The following SERPINA9 variants were observed in gnomAD, a reference collection of about 807,000 sequenced individuals.
SERPINA9 encodes serpin family A member 9.
Under a neutral mutation model 24.5 loss-of-function variants are expected in SERPINA9, and 32 were observed. The ratio of observed to expected loss-of-function variants is 1.30; its 90% CI spans 0.98 to 1.75. SERPINA9 has a LOEUF of 1.75. SERPINA9 is among the 40% of genes most tolerant of loss of function. The probability of loss-of-function intolerance (pLI) is 0.00; values close to 1 mark genes in which losing one functional copy is unlikely to be tolerated. For missense variants in SERPINA9, 594 were observed against 497.1 expected (o/e 1.19, Z -1.85); for synonymous variants, 233 against 197.7 (o/e 1.18, Z -1.50).
chr14:94,475,720 C>A (rs1899589461), intron 1 of SERPINA9, among the ~76,000 whole-genome samples: 2 of 152,280 alleles, frequency 1.3e-5, no homozygotes, highest in East Asian at 1.9e-4. Context: ...TGCACTTAAA[C>A]ACTCCCTCTC....
intron 3 of SERPINA9, among the ~76,000 whole-genome samples, chr14:94,465,389 C>T (rs1898953689): frequency 6.6e-6 from 1 of 152,216 alleles, no homozygotes; most frequent in Admixed American, 6.5e-5. Context: ...AATTTTACTA[C>T]ATTTCAGTTA....
intron 1 of SERPINA9, among the ~76,000 whole-genome samples, chr14:94,471,607 G>C (rs1355706746): frequency 1.3e-5 from 2 of 152,024 alleles, no homozygotes; most frequent in Admixed American, 1.3e-4. Flanking sequence ...GTGTAGTTTT[G>C]TATTTGCCTG....
rs144088737 is a variant in SERPINA9 at position 94,465,743 on chromosome 14, G to T, written c.903-889C>A. Among the ~76,000 whole-genome samples the T allele has an allele frequency of 5.0e-3, 767 of 152,276 alleles. 3 individuals carry two copies. The highest frequency in any genetic ancestry group is 0.017 in the African/African-American group (704 of 41,554). ...AGGGTTTCACCGTGTTGCCCAGGCTGGTCTTGAACTCCTGAGCTCAGGCAA... is the reference window on the plus strand; with the variant it reads ...AGGGTTTCACCGTGTTGCCCAGGCTTGTCTTGAACTCCTGAGCTCAGGCAA... On this transcript the variant is annotated intron_variant, in intron 3 of 4. Coordinates refer to ENST00000674397, the MANE Select transcript of SERPINA9 (RefSeq NM_175739.4).
chr14:94,470,279 T>C, intron 1 of SERPINA9: 2 of 887,450 alleles, frequency 2.3e-6, no homozygotes, highest in Non-Finnish European at 2.7e-6. Context: ...ACATTCTTTA[T>C]CCATTTTGTG....
intron 1 of SERPINA9, among the ~76,000 whole-genome samples, chr14:94,474,472 C>T (rs1343363380): frequency 6.6e-6 from 1 of 152,118 alleles, no homozygotes; most frequent in Admixed American, 6.5e-5. Flanking sequence ...TCTCAAAAGG[C>T]CCTCTCTTCT....
chr14:94,476,017 T>G (rs1899629931), intron 1 of SERPINA9, 119 bp downstream of exon 1: 2 of 1,485,660 alleles, frequency 1.3e-6, no homozygotes, highest in East Asian at 2.3e-5. Context: ...GTGTCTAGGT[T>G]CTCATCTTAT....
chr14:94,468,432 C>T (rs1376248693), intron 2 of SERPINA9, among the ~76,000 whole-genome samples: 2 of 152,124 alleles, frequency 1.3e-5, no homozygotes, highest in African/African-American at 2.4e-5. Flanking sequence ...GATACGGTGG[C>T]ATCCATGAAA....
intron 1 of SERPINA9, 157 bp from the exon 2 acceptor site, chr14:94,470,014 C>A: frequency 1.5e-6 from 1 of 675,810 alleles, no homozygotes. Flanking sequence ...ACAATATTCC[C>A]ATGATGTAGA....
chr14:94,469,524 GGT>G lies in SERPINA9; in HGVS notation c.315_316del (p.Pro106ArgfsTer51), dbSNP rs1453770363. The G allele has an allele frequency of 6.2e-7, 1 of 1,614,088 alleles. No homozygotes were observed. On this transcript the variant is annotated frameshift_variant, in exon 2 of 5. Transcript: ENST00000674397. LOFTEE classifies it high-confidence loss of function. ...GAAGCCCTGGTGGATGGCAGACTCT[GGT>G]GTGTGTGTGAGGTTGAAGCCCAGGC...
rs1899642294 is a variant in SERPINA9 at position 94,476,171 on chromosome 14, A to T, written c.-53T>A. On this transcript the variant is annotated 5_prime_UTR_variant, in exon 1 of 5. It removes an upstream start codon present in the reference 5' UTR. Coordinates refer to ENST00000674397, the MANE Select transcript of SERPINA9 (RefSeq NM_175739.4). ...TCCTCTTCTCCTGCCCTGTCCTTGC[A>T]TGGTTGGTGAGCCCTGACACTTGCT... 2 of 1,613,944 alleles carry T rather than the reference A, an allele frequency of 1.2e-6. No individual in the cohort carries two copies. Among genetic ancestry groups the T allele is most frequent in the East Asian group, 2.2e-5 (1 of 44,878 alleles).
At chr14:94,469,116 C>T in intron 2 of SERPINA9, 97 bp downstream of exon 2, 1 of 1,081,386 alleles carries the variant, frequency 9.2e-7, no homozygotes. Context: ...CTCCACCCTG[C>T]AGTCTAGGGT....
intron 1 of SERPINA9, among the ~76,000 whole-genome samples, chr14:94,475,274 A>G (rs574659993): frequency 6.6e-6 from 1 of 152,000 alleles, no homozygotes; most frequent in African/African-American, 2.4e-5. Flanking sequence ...GCCTTTATCC[A>G]CCCGGCAACA....
chr14:94,467,884 G>T (rs2139806227), intron 2 of SERPINA9, among the ~76,000 whole-genome samples: 1 of 150,516 alleles, frequency 6.6e-6, no homozygotes, highest in Middle Eastern at 3.4e-3. Flanking sequence ...TGGCTAGCTA[G>T]ATGGCTAGCT....
intron 4 of SERPINA9, among the ~76,000 whole-genome samples, chr14:94,464,137 A>G (rs1203078590): frequency 2.0e-5 from 3 of 152,220 alleles, no homozygotes; most frequent in Non-Finnish European, 2.9e-5. Context: ...GGGCACTCAT[A>G]GCTCAGCTCC....
intron 1 of SERPINA9, among the ~76,000 whole-genome samples, chr14:94,470,629 C>T (rs538067415): frequency 3.8e-4 from 58 of 152,324 alleles, no homozygotes; most frequent in African/African-American, 1.3e-3. Flanking sequence ...CTCTGTTTTG[C>T]CTTTGTAAAA....
chr14:94,475,776 G>C (rs536872879), intron 1 of SERPINA9: 9 of 345,122 alleles, frequency 2.6e-5, no homozygotes, highest in Non-Finnish European at 2.6e-5. Context: ...AGTCTTGCTC[G>C]TTAAGACAAA....
chr14:94,463,419 A>G (rs1555374441), intron 4 of SERPINA9, 123 bp from the exon 5 acceptor site: 2 of 804,906 alleles, frequency 2.5e-6, no homozygotes, highest in Admixed American at 2.3e-5. Context: ...TCAAGGTTCA[A>G]ATGCCTGGCA....
intron 1 of SERPINA9, among the ~76,000 whole-genome samples, chr14:94,472,815 CAG>C (rs931969553): frequency 6.6e-6 from 1 of 152,158 alleles, no homozygotes; most frequent in African/African-American, 2.4e-5. Flanking sequence ...AAGGGAAAAG[CAG>C]AGAAGAGAGA....
chr14:94,475,701 T>G (rs948631194), intron 1 of SERPINA9, among the ~76,000 whole-genome samples: 1 of 152,068 alleles, frequency 6.6e-6, no homozygotes, highest in Non-Finnish European at 1.5e-5. Flanking sequence ...CCCTTCCACC[T>G]CTCTTTTCTG....
Sources: gnomAD v4.1 joint callset for allele counts (sites outside exome capture counted in the v4.1 genomes callset) on GRCh38, gnomAD v4.1.1 for gene constraint, MANE v1.5 for transcripts, NCBI Gene and HGNC (gene_info 2026-07-23, HGNC 2026-07-21) for gene names.